C5orf63: variants seen among roughly 807,000 people sequenced by gnomAD.
The protein encoded by C5orf63 is glutaredoxin-like protein C5orf63.
A neutral mutation model predicts 13.3 loss-of-function variants in C5orf63; 18 were observed. The observed-to-expected ratio is 1.36, with a 90% CI of 0.94 to 2.01. C5orf63 has a LOEUF of 2.01. C5orf63 is among the 30% of genes most tolerant of loss of function. C5orf63 has a pLI of 0.00. For missense variants in C5orf63, 118 were observed against 127.7 expected (o/e 0.92, Z 0.36); for synonymous variants, 38 against 44.7 (o/e 0.85, Z 0.60).
chr5:127,049,846 C>G (rs887760308), downstream of C5orf63, among the ~76,000 whole-genome samples: 3 of 152,216 alleles, frequency 2.0e-5, no homozygotes, highest in Non-Finnish European at 4.4e-5. Context: ...CAGTTCTCAT[C>G]TGTCGTTGGG....
chr5:127,052,074 C>CACTGTGGACCTAAAA, intron 4 of C5orf63, 127 bp from the exon 5 acceptor site: 2 of 719,018 alleles, frequency 2.8e-6, no homozygotes, highest in Non-Finnish European at 4.1e-6. Flanking sequence ...TGTTTTAGGT[C>CACTGTGGACCTAAAA]CACAGTGATC....
At chr5:127,063,047 T>C (rs1310561122) in intron 2 of C5orf63, among the ~76,000 whole-genome samples, 1 of 150,576 alleles carries the variant, frequency 6.6e-6, no homozygotes, top group Non-Finnish European at 1.5e-5. Flanking sequence ...GGATTTAGAA[T>C]GTGCTTAAAA....
At chr5:127,046,922 G>C (rs1235344594), downstream of C5orf63, 1 of 152,262 alleles carries the variant, frequency 6.6e-6, no homozygotes, top group Admixed American at 6.5e-5. Flanking sequence ...CCAAGGCACT[G>C]TGAGAAGGGT....
At chr5:127,073,372 A>AC (rs1754631005) in intron 1 of C5orf63, 79 bp downstream of exon 1, 3 of 152,204 alleles carry the variant, frequency 2.0e-5, no homozygotes, top group African/African-American at 4.8e-5. Context: ...GGCACAGCGA[A>AC]CCCCCGCCAG....
chr5:127,043,760 T>C (rs138417830), downstream of C5orf63: 8 of 152,340 alleles, frequency 5.3e-5, no homozygotes, highest in African/African-American at 1.9e-4. Flanking sequence ...AGCATTAAAT[T>C]CATAACAAAG....
intron 2 of C5orf63, among the ~76,000 whole-genome samples, chr5:127,060,268 C>T (rs59770843): frequency 0.098 from 14,896 of 152,130 alleles, 1,148 homozygotes; most frequent in African/African-American, 0.22. Context: ...AAAAGGAGAT[C>T]ATCATAACTT....
intron 2 of C5orf63, among the ~76,000 whole-genome samples, chr5:127,065,979 A>G (rs1441615699): frequency 6.6e-6 from 1 of 152,164 alleles, no homozygotes; most frequent in East Asian, 1.9e-4. Context: ...AGATGGTGAT[A>G]CATACAGGGG....
chr5:127,064,407 G>A (rs1006631755), intron 2 of C5orf63, among the ~76,000 whole-genome samples: 16 of 152,084 alleles, frequency 1.1e-4, no homozygotes, highest in African/African-American at 3.9e-4. Context: ...AGGAGGTAGA[G>A]CCAACTCAAA....
chr5:127,045,800 C>T (rs1753509176), exon 5 of C5orf63: 1 of 152,204 alleles, frequency 6.6e-6, no homozygotes, highest in African/African-American at 2.4e-5. Context: ...GTCTGTCTCT[C>T]CCTTAAAATG....
At chr5:127,047,737 CCA>C (rs769887573), downstream of C5orf63, 2 of 703,902 alleles carry the variant, frequency 2.8e-6, no homozygotes, top group South Asian at 3.0e-5. Context: ...ATAGAATGCC[CCA>C]CAGTCACTTG....
At chr5:127,059,880 T>C (rs953043661) in intron 2 of C5orf63, among the ~76,000 whole-genome samples, 5 of 152,072 alleles carry the variant, frequency 3.3e-5, no homozygotes, top group Non-Finnish European at 5.9e-5. Context: ...GCGTGGTGGC[T>C]CACGCCTGTA....
chr5:127,052,051 A>G, intron 4 of C5orf63, 104 bp from the exon 5 acceptor site: 1 of 981,428 alleles, frequency 1.0e-6, no homozygotes, highest in Admixed American at 3.5e-5. Context: ...CATTTTCCTT[A>G]TAGTTGTTTG....
At chr5:127,063,886 G>A (rs1277842073) in intron 2 of C5orf63, among the ~76,000 whole-genome samples, 1 of 152,080 alleles carries the variant, frequency 6.6e-6, no homozygotes, top group Non-Finnish European at 1.5e-5. Flanking sequence ...CTGGAAACAT[G>A]TACACACAAA....
In C5orf63 at chr5:127,051,316, C is replaced by G. The variant is rs1252064957; in HGVS notation, c.*455G>C. 4.9e-6 allele frequency: 6 copies of G among 1,230,088 alleles called. No homozygotes were observed. Among genetic ancestry groups the G allele is most frequent in the African/African-American group, 1.6e-5 (1 of 64,360 alleles). 76.2% of individuals were successfully genotyped at this position (1,230,088 alleles called of 1,614,324 possible). On this transcript the variant is annotated 3_prime_UTR_variant, in exon 5 of 5. Transcript: ENST00000296662. ...CTTCATGCAGATGTATTCCTTAAAA[C>G]ATCGCTTTATTGACCGTGCACAGTT...
At chr5:127,052,000 C>T (rs1753694565) in intron 4 of C5orf63, 53 bp from the exon 5 acceptor site, 1 of 1,331,824 alleles carries the variant, frequency 7.5e-7, no homozygotes, top group Non-Finnish European at 9.8e-7. Context: ...GGTGATGTAA[C>T]AACTGCAGTG....
intron 2 of C5orf63, 30 bp from the exon 3 acceptor site, chr5:127,059,032 T>C: frequency 7.8e-7 from 1 of 1,275,068 alleles, no homozygotes. Context: ...GCAGTAAACT[T>C]ATGTGCCCTA....
chr5:127,064,158 G>A (rs1360633062), intron 2 of C5orf63, among the ~76,000 whole-genome samples: 1 of 152,180 alleles, frequency 6.6e-6, no homozygotes, highest in African/African-American at 2.4e-5. Context: ...TGACTCTCGT[G>A]GAGCCAAGAG....
At chr5:127,071,106 G>A (rs1009343899) in intron 2 of C5orf63, among the ~76,000 whole-genome samples, 2 of 152,162 alleles carry the variant, frequency 1.3e-5, no homozygotes, top group African/African-American at 2.4e-5. Context: ...CAATGTGCCA[G>A]GTGCTGTGCC....
At chr5:127,068,423 T>C (rs1019840853) in intron 2 of C5orf63, among the ~76,000 whole-genome samples, 12 of 152,108 alleles carry the variant, frequency 7.9e-5, no homozygotes, top group Non-Finnish European at 8.8e-5. Context: ...AGTGTTGGTG[T>C]CAAAAGGAAC....
Sources: allele counts gnomAD v4.1 joint callset (sites outside exome capture counted in the v4.1 genomes callset), GRCh38; gene constraint gnomAD v4.1.1; transcripts MANE v1.5; gene names NCBI Gene and HGNC (gene_info 2026-07-23, HGNC 2026-07-21).